SLC9A9: variants seen among roughly 807,000 people sequenced by gnomAD.
SLC9A9 encodes solute carrier family 9 member A9, also known as sodium/hydrogen exchanger 9.
In SLC9A9, 62 loss-of-function variants were observed where a neutral mutation model predicts 77.8. That is an observed-to-expected ratio of 0.80 (90% CI 0.65 to 0.98). The LOEUF (loss-of-function observed/expected upper bound fraction) is 0.98, where lower values mean the gene tolerates loss of function less well. Among genes scored for constraint, SLC9A9 ranks in the 50% least tolerant of loss-of-function variants. The probability of loss-of-function intolerance (pLI) is 0.00; values close to 1 mark genes in which losing one functional copy is unlikely to be tolerated. For synonymous variants in SLC9A9, 320 were observed against 283.5 expected (o/e 1.13, Z -1.29); for missense variants, 775 against 774.9 (o/e 1.00, Z 0.00).
intron 7 of SLC9A9, among the ~76,000 whole-genome samples, chr3:143,574,756 A>G (rs1458569181): frequency 1.3e-5 from 2 of 152,214 alleles, no homozygotes; most frequent in African/African-American, 4.8e-5. Context: ...AGGTTCCATT[A>G]TTAATGAACC....
intron 4 of SLC9A9, among the ~76,000 whole-genome samples, chr3:143,774,865 G>C (rs918127151): frequency 1.3e-5 from 2 of 152,152 alleles, no homozygotes; most frequent in Non-Finnish European, 2.9e-5. Context: ...GACCCTGTCT[G>C]CTTCGCCTCA....
chr3:143,290,168 C>T (rs1372128505), intron 14 of SLC9A9, among the ~76,000 whole-genome samples: 1 of 152,086 alleles, frequency 6.6e-6, no homozygotes, highest in East Asian at 1.9e-4. Flanking sequence ...AATCTATTGT[C>T]AAAACTAGGA....
At chr3:143,640,877 C>G (rs999655437) in intron 6 of SLC9A9, among the ~76,000 whole-genome samples, 1 of 152,054 alleles carries the variant, frequency 6.6e-6, no homozygotes, top group African/African-American at 2.4e-5. Flanking sequence ...CAAAATAAAA[C>G]TGATTTGTTG....
At chr3:143,523,004 T>C (rs2036338612) in intron 9 of SLC9A9, among the ~76,000 whole-genome samples, 1 of 152,098 alleles carries the variant, frequency 6.6e-6, no homozygotes, top group South Asian at 2.1e-4. Flanking sequence ...TTCATTTGGG[T>C]CCCAGGTCAT....
At chr3:143,332,028 G>T (rs1180824109) in intron 14 of SLC9A9, among the ~76,000 whole-genome samples, 2 of 152,146 alleles carry the variant, frequency 1.3e-5, no homozygotes, top group African/African-American at 4.8e-5. Flanking sequence ...ATGGAGTTAA[G>T]GTTTCATGCT....
At chr3:143,602,218 G>C (rs759333116) in intron 6 of SLC9A9, among the ~76,000 whole-genome samples, 5 of 152,136 alleles carry the variant, frequency 3.3e-5, no homozygotes, top group Non-Finnish European at 5.9e-5. Context: ...ACATTGTTTT[G>C]GCATGTCCAG....
At chr3:143,301,694 C>T (rs1212183612) in intron 14 of SLC9A9, among the ~76,000 whole-genome samples, 1 of 152,148 alleles carries the variant, frequency 6.6e-6, no homozygotes, top group Non-Finnish European at 1.5e-5. Context: ...AGGGCACAGT[C>T]CCTGTGTTTT....
intron 6 of SLC9A9, among the ~76,000 whole-genome samples, chr3:143,636,170 T>A (rs1441818688): frequency 6.6e-6 from 1 of 152,218 alleles, no homozygotes; most frequent in Non-Finnish European, 1.5e-5. Context: ...GGTGTCTTTT[T>A]GGTCCTTTAC....
intron 6 of SLC9A9, among the ~76,000 whole-genome samples, chr3:143,598,423 C>A (rs540663136): frequency 7.2e-5 from 11 of 152,198 alleles, no homozygotes; most frequent in Admixed American, 3.9e-4. Flanking sequence ...TTGAGAGGAG[C>A]CTCCTGCTTT....
intron 12 of SLC9A9, among the ~76,000 whole-genome samples, chr3:143,383,139 TTA>T (rs375908706): frequency 2.6e-5 from 4 of 152,374 alleles, no homozygotes; most frequent in African/African-American, 9.6e-5. Flanking sequence ...AAACTGCATT[TTA>T]TACATCTCAT....
At chr3:143,325,227 C>T (rs529723247) in intron 14 of SLC9A9, among the ~76,000 whole-genome samples, 1 of 152,168 alleles carries the variant, frequency 6.6e-6, no homozygotes, top group African/African-American at 2.4e-5. Context: ...AGATTATCCA[C>T]ACCTGTAAAA....
At chr3:143,503,631 CT>C in intron 9 of SLC9A9, 1 of 451,730 alleles carries the variant, frequency 2.2e-6, no homozygotes, top group Non-Finnish European at 4.4e-6. Flanking sequence ...TTGCCCATGC[CT>C]TGGCAGTGCC....
At chr3:143,817,361 G>A (rs1311692306) in intron 2 of SLC9A9, among the ~76,000 whole-genome samples, 3 of 150,270 alleles carry the variant, frequency 2.0e-5, no homozygotes. Context: ...TGTTAGCCAG[G>A]ATGGTCTCGA....
At chr3:143,515,955 T>C (rs1049773513) in intron 9 of SLC9A9, among the ~76,000 whole-genome samples, 25 of 152,208 alleles carry the variant, frequency 1.6e-4, no homozygotes, top group Non-Finnish European at 3.1e-4. Context: ...AAAATTGGAG[T>C]GATCTATTCC....
At chr3:143,391,822 G>A (rs950920440) in intron 12 of SLC9A9, among the ~76,000 whole-genome samples, 20 of 152,318 alleles carry the variant, frequency 1.3e-4, no homozygotes, top group African/African-American at 3.6e-4. Flanking sequence ...TTCAGTAGCC[G>A]ATTTGATCAA....
chr3:143,652,778 T>TACACACACACACAC lies in SLC9A9; in HGVS notation c.650-432_650-419dup, dbSNP rs369670861. Among the ~76,000 whole-genome samples, 621 of 82,430 alleles carry TACACACACACACAC rather than the reference T, an allele frequency of 7.5e-3. 4 individuals carry two copies. Among genetic ancestry groups the TACACACACACACAC allele is most frequent in the African/African-American group, 0.014 (326 of 23,322 alleles). 54.1% of individuals were successfully genotyped at this position (82,430 alleles called of 152,430 possible). ...TGCTACCATCCTTGTATTCCTTAAA[T>TACACACACACACAC]ACACACACACACACACACACACACA... On this transcript the variant is annotated intron_variant, in intron 5 of 15. Coordinates refer to ENST00000316549, the MANE Select transcript of SLC9A9 (RefSeq NM_173653.4).
chr3:143,450,951 C>T (rs368333528), intron 12 of SLC9A9, among the ~76,000 whole-genome samples: 4 of 151,996 alleles, frequency 2.6e-5, no homozygotes, highest in South Asian at 2.1e-4. Flanking sequence ...GGTGCTATGC[C>T]GGAGAAGAAG....
intron 12 of SLC9A9, among the ~76,000 whole-genome samples, chr3:143,448,498 T>C (rs60375638): frequency 0.77 from 117,383 of 151,996 alleles, 46,526 homozygotes; most frequent in East Asian, 1. Flanking sequence ...TTTTAGAAAA[T>C]TGTTAGGCAT....
At chr3:143,702,555 A>C (rs919651027) in intron 4 of SLC9A9, among the ~76,000 whole-genome samples, 8 of 152,170 alleles carry the variant, frequency 5.3e-5, no homozygotes, top group Non-Finnish European at 8.8e-5. Flanking sequence ...GCAAATCAAA[A>C]AAAAATACAA....
Sources: allele counts gnomAD v4.1 joint callset (sites outside exome capture counted in the v4.1 genomes callset), GRCh38; gene constraint gnomAD v4.1.1; transcripts MANE v1.5; gene names NCBI Gene and HGNC (gene_info 2026-07-23, HGNC 2026-07-21).